The following SDC3 variants were observed in gnomAD, a reference collection of about 807,000 sequenced individuals.
The protein encoded by SDC3 is syndecan 3.
A neutral mutation model predicts 24.4 loss-of-function variants in SDC3; 13 were observed. The observed-to-expected ratio is 0.53, with a 90% CI of 0.35 to 0.85. SDC3 has a LOEUF of 0.85. Ranked by LOEUF, SDC3 falls within the 40% of genes least tolerant of loss-of-function variation. The pLI is 0.01. For missense variants in SDC3, 571 were observed against 584.5 expected, an observed-to-expected ratio of 0.98 and a Z score of 0.24; for synonymous variants, 295 against 260.9, an observed-to-expected ratio of 1.13 and a Z score of -1.26.
chr1:30,895,861 G>C (rs577029259), intron 1 of SDC3, among the ~76,000 whole-genome samples: 150 of 151,158 alleles, frequency 9.9e-4, no homozygotes, highest in African/African-American at 3.5e-3. Context: ...GAGGAGGGTG[G>C]GAGGAGGGAG....
chr1:30,909,042 A>G (rs1047007151), upstream of SDC3, among the ~76,000 whole-genome samples: 4 of 152,052 alleles, frequency 2.6e-5, no homozygotes, highest in Non-Finnish European at 4.4e-5. Flanking sequence ...TGCTAGGTAG[A>G]AGGGAAGGGT....
Position 30,908,570 on chromosome 1 carries a change from G to T in SDC3, c.17C>A (p.Pro6Gln), listed in dbSNP as rs1199449817. 1.0e-6 allele frequency: 1 copy of T among 976,818 alleles called. No homozygotes were observed. The highest frequency in any genetic ancestry group is 1.2e-6 in the Non-Finnish European group (1 of 826,100). 60.5% of individuals were successfully genotyped at this position (976,818 alleles called of 1,614,324 possible). A position where few individuals can be genotyped will look rare whatever the true frequency, so the allele number is the denominator to read the frequency against. Residue 6 changes from proline (P) to glutamine (Q), a missense_variant, in exon 1 of 5, where the codon CCG becomes CAG. By Grantham distance (76) the Pro-to-Gln change is moderately conservative. Coordinates refer to ENST00000339394, the MANE Select transcript of SDC3 (RefSeq NM_014654.4). ...CCCGTGGGCGGCCCCGGCACGGTGC[G>T]GCGGCCCCGGCTTCATGGCGGCGGC... MKPGP[P>Q]HRAGAAHGAG...
At chr1:30,905,037 C>T (rs1032252008) in intron 1 of SDC3, among the ~76,000 whole-genome samples, 2 of 152,150 alleles carry the variant, frequency 1.3e-5, no homozygotes, top group African/African-American at 4.8e-5. Context: ...AGCTAACAGG[C>T]AGCATACAGC....
In SDC3 at chr1:30,890,786, G is replaced by A. The variant is rs112481559; in HGVS notation, c.139-12046C>T. Reference sequence around the variant, plus strand: ...CCAGCATTCCTTATCCTGACAACACGCTTGTCTTGGCCCTGCTCACCTCCT... The same window carrying A: ...CCAGCATTCCTTATCCTGACAACACACTTGTCTTGGCCCTGCTCACCTCCT... On this transcript the variant is annotated intron_variant, in intron 1 of 4. Transcript: ENST00000339394. Among the ~76,000 whole-genome samples the A allele has an allele frequency of 5.2e-3, 785 of 152,230 alleles. 5 individuals carry two copies. The highest frequency in any genetic ancestry group is 0.014 in the Middle Eastern group (4 of 294).
intron 1 of SDC3, among the ~76,000 whole-genome samples, chr1:30,907,202 C>A (rs552344678): frequency 2.1e-4 from 32 of 152,320 alleles, no homozygotes; most frequent in East Asian, 1.2e-3. Context: ...CTCCTGGAAC[C>A]AACCTGGGAG....
At chr1:30,908,421 G>A in intron 1 of SDC3, 28 bp downstream of exon 1, 1 of 1,017,114 alleles carries the variant, frequency 9.8e-7, no homozygotes, top group Non-Finnish European at 1.2e-6. Flanking sequence ...GGGGAGCCGT[G>A]GCGGGGATCC....
At chr1:30,897,705 A>T (rs1485294266) in intron 1 of SDC3, among the ~76,000 whole-genome samples, 3 of 152,220 alleles carry the variant, frequency 2.0e-5, no homozygotes, top group Non-Finnish European at 4.4e-5. Context: ...CTCCAGGGGC[A>T]GGCTGCTTGG....
intron 1 of SDC3, among the ~76,000 whole-genome samples, chr1:30,905,987 AC>A (rs1638512663): frequency 6.6e-6 from 1 of 151,676 alleles, no homozygotes; most frequent in Non-Finnish European, 1.5e-5. Context: ...ACACACACAC[AC>A]AAAGGCTGGC....
At chr1:30,891,058 G>T (rs1010513042) in intron 1 of SDC3, among the ~76,000 whole-genome samples, 2 of 152,186 alleles carry the variant, frequency 1.3e-5, no homozygotes, top group Non-Finnish European at 2.9e-5. Flanking sequence ...CTCGACCCCA[G>T]CATTCCAGCT....
At chr1:30,890,637 A>G (rs888412634) in intron 1 of SDC3, among the ~76,000 whole-genome samples, 1 of 152,242 alleles carries the variant, frequency 6.6e-6, no homozygotes, top group Non-Finnish European at 1.5e-5. Flanking sequence ...CAAGATGTAT[A>G]TGAGTTATAT....
upstream of SDC3, among the ~76,000 whole-genome samples, chr1:30,909,136 C>G (rs1374075465): frequency 1.3e-5 from 2 of 152,168 alleles, no homozygotes; most frequent in African/African-American, 4.8e-5. Context: ...TCTACAGCCT[C>G]CCCCTGTGGC....
intron 2 of SDC3, chr1:30,878,363 T>C (rs1639683910): frequency 4.9e-6 from 2 of 407,186 alleles, no homozygotes; most frequent in Admixed American, 7.5e-5. Context: ...GAAAGCCACA[T>C]AGCACACACA....
chr1:30,902,061 C>A (rs1638424304), intron 1 of SDC3, among the ~76,000 whole-genome samples: 1 of 152,180 alleles, frequency 6.6e-6, no homozygotes, highest in Non-Finnish European at 1.5e-5. Context: ...AAGCTGCCCC[C>A]TCAGGCTTGG....
In SDC3 at chr1:30,877,024, C is replaced by G. The variant is rs201563377; in HGVS notation, c.398G>C (p.Arg133Pro). The G allele has an allele frequency of 3.1e-6, 5 of 1,613,604 alleles. No homozygotes were observed. In the South Asian group the frequency reaches 5.5e-5, roughly 18 times the overall value. Reference protein sequence around the residue: ...GTPFEELPSERPTLEPATSPL... With the variant: ...GTPFEELPSEPPTLEPATSPL... ...GCTGGTGGCTGGCTCCAGGGTGGGG[C>G]GCTCAGAGGGGAGCTCTTCAAATGG... is the stretch of plus-strand genomic sequence containing the variant. Residue 133 changes from arginine to proline, a missense_variant, in exon 3 of 5, where the codon CGC becomes CCC. By Grantham distance (103) the Arg-to-Pro change is moderately radical. Transcript: ENST00000339394.
chr1:30,898,182 C>T (rs995119535), intron 1 of SDC3, among the ~76,000 whole-genome samples: 2 of 152,082 alleles, frequency 1.3e-5, no homozygotes, highest in African/African-American at 4.8e-5. Context: ...CAGCAGTGAC[C>T]CCTCGCCGCC....
chr1:30,873,060 G>A lies in SDC3; in HGVS notation c.*151C>T. ...CCTCTTCCTCGGGGAAGATCTGTGT[G>A]AGGCTGGCAGCCTGGGCAGACCTTG... On this transcript the variant is annotated 3_prime_UTR_variant, in exon 5 of 5. Coordinates refer to ENST00000339394, the MANE Select transcript of SDC3 (RefSeq NM_014654.4). The A allele has an allele frequency of 4.5e-6, 3 of 673,870 alleles. No homozygotes were observed. Among genetic ancestry groups the A allele is most frequent in the Non-Finnish European group, 5.3e-6 (2 of 375,036 alleles). The allele number at this position is 673,870 out of a possible 1,614,324, so 41.7% of individuals were successfully genotyped here.
intron 1 of SDC3, among the ~76,000 whole-genome samples, chr1:30,898,585 C>G (rs1487423653): frequency 6.6e-6 from 1 of 152,054 alleles, no homozygotes; most frequent in Non-Finnish European, 1.5e-5. Flanking sequence ...GTGGTGGTGC[C>G]CAGCGTGATG....
chr1:30,909,264 G>T (rs534516755), upstream of SDC3, among the ~76,000 whole-genome samples: 3 of 152,344 alleles, frequency 2.0e-5, no homozygotes, highest in African/African-American at 7.2e-5. Context: ...GACACCCAGG[G>T]GCTGTGTGAC....
chr1:30,908,705 G>T lies in SDC3; in HGVS notation c.-119C>A, dbSNP rs1369960140. The T allele has an allele frequency of 1.6e-4, 40 of 251,166 alleles. No homozygotes were observed. In the East Asian group the frequency reaches 2.4e-3, roughly 15 times the overall value. The allele number at this position is 251,166 out of a possible 1,614,324, so 15.6% of individuals were successfully genotyped here. A position where few individuals can be genotyped will look rare whatever the true frequency, so the allele number is the denominator to read the frequency against. On this transcript the variant is annotated 5_prime_UTR_variant, in exon 1 of 5. Transcript: ENST00000339394. ...CGGCGGCTGGACCGACGCGCTCTAGGCTCGCGGGCTCCCGGCTCGGCCGCC... is the reference window on the plus strand; with the variant it reads ...CGGCGGCTGGACCGACGCGCTCTAGTCTCGCGGGCTCCCGGCTCGGCCGCC...
Sources: allele counts gnomAD v4.1 joint callset (sites outside exome capture counted in the v4.1 genomes callset), GRCh38; gene constraint gnomAD v4.1.1; transcripts MANE v1.5; gene names NCBI Gene and HGNC (gene_info 2026-07-23, HGNC 2026-07-21).